GPR39: variants seen among roughly 807,000 people sequenced by gnomAD.
The protein encoded by GPR39 is G protein-coupled receptor 39, also known as zinc sensing receptor.
GPR39 carries 23 observed loss-of-function variants against 18.4 expected under a neutral mutation model. The observed-to-expected ratio is 1.25, with a 90% CI of 0.90 to 1.77. The LOEUF is 1.77. Among genes scored for constraint, GPR39 ranks in the 40% most tolerant of loss-of-function variants. The probability of loss-of-function intolerance (pLI) is 0.00; values close to 1 mark genes in which losing one functional copy is unlikely to be tolerated. For missense variants in GPR39, 647 were observed against 602.4 expected (o/e 1.07, Z -0.78); for synonymous variants, 280 against 257.9 (o/e 1.09, Z -0.82).
intron 1 of GPR39, among the ~76,000 whole-genome samples, chr2:132,613,943 C>A (rs191649531): frequency 1.6e-4 from 24 of 152,310 alleles, no homozygotes; most frequent in Middle Eastern, 3.4e-3. Flanking sequence ...TGTATAAATA[C>A]ATGAATGAAT....
chr2:132,547,428 C>A (rs1359092277), intron 1 of GPR39, among the ~76,000 whole-genome samples: 2 of 152,164 alleles, frequency 1.3e-5, no homozygotes, highest in Non-Finnish European at 2.9e-5. Flanking sequence ...GACTGTCACA[C>A]CCACCATTTC....
chr2:132,560,095 C>T (rs1680223317), intron 1 of GPR39, among the ~76,000 whole-genome samples: 2 of 152,080 alleles, frequency 1.3e-5, no homozygotes, highest in Non-Finnish European at 2.9e-5. Context: ...GTCTGCATCC[C>T]TCAGCCAGCT....
At chr2:132,495,804 C>G (rs1335101327) in intron 1 of GPR39, among the ~76,000 whole-genome samples, 1 of 151,694 alleles carries the variant, frequency 6.6e-6, no homozygotes, top group Non-Finnish European at 1.5e-5. Flanking sequence ...CTCTTCTCAC[C>G]CCCTCTCTTC....
chr2:132,558,702 C>G (rs1372283475), intron 1 of GPR39, among the ~76,000 whole-genome samples: 1 of 152,124 alleles, frequency 6.6e-6, no homozygotes, highest in Admixed American at 6.5e-5. Flanking sequence ...TCCAGAAGCT[C>G]CTGGGTTCTG....
At chr2:132,470,723 C>T (rs978847121) in intron 1 of GPR39, among the ~76,000 whole-genome samples, 1 of 151,624 alleles carries the variant, frequency 6.6e-6, no homozygotes, top group Non-Finnish European at 1.5e-5. Flanking sequence ...GGCTGTCTAT[C>T]CCAGCCTGGG....
At chr2:132,608,239 C>A (rs180776470) in intron 1 of GPR39, among the ~76,000 whole-genome samples, 40 of 152,334 alleles carry the variant, frequency 2.6e-4, no homozygotes, top group Admixed American at 2.0e-3. Flanking sequence ...AACACCTGCT[C>A]CTTGAAATCA....
In GPR39 at chr2:132,619,807, A is replaced by C. The variant is rs752346238; in HGVS notation, c.857-25294A>C. Among the ~76,000 whole-genome samples, 6 of 148,388 alleles carry C rather than the reference A, an allele frequency of 4.0e-5. No homozygotes were observed. In the East Asian group the frequency reaches 1.2e-3, roughly 29 times the overall value. On this transcript the variant is annotated intron_variant, in intron 1 of 1. Transcript: ENST00000329321. ...CCTTTTATCCAAAGGCTCCTCCCCA[A>C]CATACACACAGACACAGACACAGAC...
intron 1 of GPR39, among the ~76,000 whole-genome samples, chr2:132,542,136 T>G (rs1679871254): frequency 6.6e-6 from 1 of 152,122 alleles, no homozygotes; most frequent in African/African-American, 2.4e-5. Flanking sequence ...ATATGAATTT[T>G]GGGGGCACAT....
intron 1 of GPR39, among the ~76,000 whole-genome samples, chr2:132,550,190 G>T (rs138161403): frequency 6.6e-6 from 1 of 152,306 alleles, no homozygotes; most frequent in Non-Finnish European, 1.5e-5. Context: ...ATTGTAGATA[G>T]TTTAGCTTCC....
At chr2:132,635,092 CTCTT>C (rs1431919192) in intron 1 of GPR39, among the ~76,000 whole-genome samples, 1 of 152,176 alleles carries the variant, frequency 6.6e-6, no homozygotes, top group Non-Finnish European at 1.5e-5. Context: ...TCCATTCCCA[CTCTT>C]TCTTTTTCTT....
At chr2:132,556,210 G>A (rs992919238) in intron 1 of GPR39, among the ~76,000 whole-genome samples, 2 of 152,094 alleles carry the variant, frequency 1.3e-5, no homozygotes, top group Admixed American at 6.5e-5. Context: ...TTAATTTGAC[G>A]TTTTCCAAAT....
chr2:132,451,111 C>T (rs1466037609), intron 1 of GPR39, among the ~76,000 whole-genome samples: 2 of 151,442 alleles, frequency 1.3e-5, no homozygotes, highest in Non-Finnish European at 2.9e-5. Flanking sequence ...GTGGGAAGCT[C>T]TGGAGGCTAG....
chr2:132,501,486 T>A (rs557526170), intron 1 of GPR39, among the ~76,000 whole-genome samples: 1 of 152,282 alleles, frequency 6.6e-6, no homozygotes, highest in African/African-American at 2.4e-5. Context: ...GAGACTTGTT[T>A]TGTGGGCTAT....
At chr2:132,622,337 T>A (rs1370711278) in intron 1 of GPR39, among the ~76,000 whole-genome samples, 1 of 152,186 alleles carries the variant, frequency 6.6e-6, no homozygotes, top group African/African-American at 2.4e-5. Flanking sequence ...GAGGTTGCAG[T>A]GAGCTGAGAT....
rs79405580 is a variant in GPR39, at chr2:132,517,630, C to A, written c.856+99732C>A. ...CAAAGGAACTGCTTAGATATGGTTACAGCATGCTACTTCTCATGGTAAATT... is the reference window on the plus strand; with the variant it reads ...CAAAGGAACTGCTTAGATATGGTTAAAGCATGCTACTTCTCATGGTAAATT... On this transcript the variant is annotated intron_variant, in intron 1 of 1. Transcript: ENST00000329321. Among the ~76,000 whole-genome samples the A allele has an allele frequency of 3.3e-4, 50 of 152,294 alleles. 2 individuals carry two copies. In the East Asian group the frequency reaches 7.3e-3, roughly 22 times the overall value.
chr2:132,593,266 G>A (rs139847574), intron 1 of GPR39, among the ~76,000 whole-genome samples: 69 of 152,240 alleles, frequency 4.5e-4, no homozygotes, highest in African/African-American at 1.5e-3. Flanking sequence ...TTGAATCATA[G>A]CCCAGGTCTT....
At chr2:132,571,585 A>T (rs1680441714) in intron 1 of GPR39, among the ~76,000 whole-genome samples, 1 of 152,138 alleles carries the variant, frequency 6.6e-6, no homozygotes, top group Admixed American at 6.5e-5. Context: ...AAGTTTCATT[A>T]CCCTTGTCCT....
chr2:132,598,961 G>A (rs901273803), intron 1 of GPR39, among the ~76,000 whole-genome samples: 1 of 152,182 alleles, frequency 6.6e-6, no homozygotes, highest in African/African-American at 2.4e-5. Flanking sequence ...ATGTAGCAGG[G>A]AAATAAAACA....
At chr2:132,628,973 C>T (rs1057471144) in intron 1 of GPR39, among the ~76,000 whole-genome samples, 5 of 152,192 alleles carry the variant, frequency 3.3e-5, no homozygotes, top group Non-Finnish European at 5.9e-5. Context: ...ATTCATCACT[C>T]ATGTGGTTGT....
Sources: gnomAD v4.1 joint callset for allele counts (sites outside exome capture counted in the v4.1 genomes callset) on GRCh38, gnomAD v4.1.1 for gene constraint, MANE v1.5 for transcripts, NCBI Gene and HGNC (gene_info 2026-07-23, HGNC 2026-07-21) for gene names.